ST18: variants seen among roughly 807,000 people sequenced by gnomAD.
ST18 encodes the protein suppression of tumorigenicity 18 protein.
In ST18, 50 loss-of-function variants were observed where a neutral mutation model predicts 110.0. The ratio of observed to expected loss-of-function variants is 0.45; its 90% CI spans 0.36 to 0.58. The LOEUF (loss-of-function observed/expected upper bound fraction) is 0.58, where lower values mean the gene tolerates loss of function less well. ST18 is among the 20% of genes least tolerant of loss of function. The probability of loss-of-function intolerance (pLI) is 0.00; values close to 1 mark genes in which losing one functional copy is unlikely to be tolerated. For synonymous variants in ST18, 461 were observed against 452.4 expected, an observed-to-expected ratio of 1.02 and a Z score of -0.24; for missense variants, 1,306 against 1,280.1, an observed-to-expected ratio of 1.02 and a Z score of -0.31.
intron 9 of ST18, among the ~76,000 whole-genome samples, chr8:52,179,876 C>T (rs1490570944): frequency 2.0e-5 from 3 of 152,148 alleles, no homozygotes; most frequent in South Asian, 2.1e-4. Flanking sequence ...ATAGTTCAAT[C>T]GTCTGCTTTT....
intron 2 of ST18, among the ~76,000 whole-genome samples, chr8:52,353,046 C>T (rs1821101350): frequency 6.6e-6 from 1 of 152,144 alleles, no homozygotes; most frequent in Non-Finnish European, 1.5e-5. Flanking sequence ...CTTTTCCACA[C>T]TTTTTTGCAC....
In ST18 at chr8:52,164,015, T is replaced by A. The variant is rs373590188; in HGVS notation, c.1371A>T (p.Gln457His). Residue 457 changes from glutamine to histidine, a missense_variant, in exon 13 of 26, where the codon CAA (glutamine) becomes CAT (histidine). Coordinates refer to ENST00000689386, the MANE Select transcript of ST18 (RefSeq NM_001352837.2). ...GGGCCTGGTCAGGACACTGCCCAGT[T>A]TGGGGAGAATCAAGCTGATTTTTAT... Reference protein sequence around the residue: ...SQDKNQLDSPQTGQCPDQAHR... With the variant: ...SQDKNQLDSPHTGQCPDQAHR... 3 of 1,613,946 alleles carry A rather than the reference T, an allele frequency of 1.9e-6. No individual in the cohort carries two copies. The highest frequency in any genetic ancestry group is 2.2e-5 in the East Asian group (1 of 44,884).
intron 2 of ST18, among the ~76,000 whole-genome samples, chr8:52,280,186 T>G (rs906649247): frequency 6.6e-6 from 1 of 151,978 alleles, no homozygotes; most frequent in Non-Finnish European, 1.5e-5. Flanking sequence ...ATAAAAATAT[T>G]AATCAGTTTA....
chr8:52,291,058 C>T lies in ST18; in HGVS notation c.-464-60981G>A, dbSNP rs77471739. ...GTCACTGTCTCTGTTCATCAGGGCG[C>T]CCCATTGAGTTCAGCATAGCATCCA... is the stretch of plus-strand genomic sequence containing the variant. On this transcript the variant is annotated intron_variant, in intron 2 of 25. Coordinates refer to ENST00000689386, the MANE Select transcript of ST18 (RefSeq NM_001352837.2). 4.4e-3 allele frequency among the ~76,000 whole-genome samples: 667 copies of T among 152,292 alleles called. 7 individuals are homozygous for T. Among genetic ancestry groups the T allele is most frequent in the African/African-American group, 0.015 (628 of 41,570 alleles).
At chr8:52,382,300 G>A (rs1193460461) in intron 2 of ST18, among the ~76,000 whole-genome samples, 1 of 152,200 alleles carries the variant, frequency 6.6e-6, no homozygotes, top group Non-Finnish European at 1.5e-5. Flanking sequence ...GGATGGCAGA[G>A]GGCAGCCTCC....
chr8:52,282,795 G>A (rs982030108), intron 2 of ST18, among the ~76,000 whole-genome samples: 4 of 152,152 alleles, frequency 2.6e-5, no homozygotes, highest in Non-Finnish European at 5.9e-5. Flanking sequence ...GGAACAGCAA[G>A]GGAAGAGGCC....
intron 11 of ST18, among the ~76,000 whole-genome samples, chr8:52,166,552 C>T (rs938624283): frequency 6.6e-6 from 1 of 152,214 alleles, no homozygotes; most frequent in Non-Finnish European, 1.5e-5. Context: ...CCCTCTACCC[C>T]TGAACTCCCT....
At chr8:52,192,136 C>A (rs146298654) in intron 8 of ST18, among the ~76,000 whole-genome samples, 1 of 152,156 alleles carries the variant, frequency 6.6e-6, no homozygotes, top group Non-Finnish European at 1.5e-5. Context: ...AGCATAGGCT[C>A]TCACTAAGAC....
At chr8:52,341,579 C>T (rs1815039457) in intron 2 of ST18, among the ~76,000 whole-genome samples, 1 of 152,230 alleles carries the variant, frequency 6.6e-6, no homozygotes, top group Non-Finnish European at 1.5e-5. Flanking sequence ...CCAAGGTCAT[C>T]ACAAGGGTCC....
intron 17 of ST18, among the ~76,000 whole-genome samples, chr8:52,140,465 A>C (rs1218366508): frequency 6.6e-6 from 1 of 152,050 alleles, no homozygotes; most frequent in African/African-American, 2.4e-5. Flanking sequence ...TGGAGCTTGC[A>C]GTGAGCCGAG....
chr8:52,347,855 C>A (rs139857073), intron 2 of ST18, among the ~76,000 whole-genome samples: 22 of 152,350 alleles, frequency 1.4e-4, no homozygotes, highest in Admixed American at 7.8e-4. Flanking sequence ...TCAGTGCAGA[C>A]TTCCTTCTCA....
At chr8:52,377,608 C>A (rs1336290585) in intron 2 of ST18, among the ~76,000 whole-genome samples, 2 of 152,090 alleles carry the variant, frequency 1.3e-5, no homozygotes. Context: ...ATAAAAAATG[C>A]TGGCAAGGAT....
intron 2 of ST18, among the ~76,000 whole-genome samples, chr8:52,236,791 G>A (rs2092746001): frequency 6.6e-6 from 1 of 152,090 alleles, no homozygotes. Context: ...TAGACCATTG[G>A]AACACCAGTC....
At chr8:52,119,232 A>G (rs1415070396) in intron 23 of ST18, among the ~76,000 whole-genome samples, 1 of 152,220 alleles carries the variant, frequency 6.6e-6, no homozygotes, top group African/African-American at 2.4e-5. Flanking sequence ...AACATGCCAC[A>G]GGCTCTCAGT....
intron 19 of ST18, among the ~76,000 whole-genome samples, chr8:52,136,098 C>T (rs572918354): frequency 6.6e-6 from 1 of 152,180 alleles, no homozygotes; most frequent in Non-Finnish European, 1.5e-5. Context: ...AATGAAATCA[C>T]AAAGTAAAAG....
At chr8:52,230,813 GGCGAACTTC>G (rs2136921456) in intron 2 of ST18, among the ~76,000 whole-genome samples, 1 of 16,902 alleles carries the variant, frequency 5.9e-5, no homozygotes, top group Admixed American at 7.6e-4. Context: ...CTTGGAAAGA[GGCGAACTTC>G]ACCAACTTCA....
At chr8:52,178,644 C>CAAAAAAA (rs386418682) in intron 9 of ST18, among the ~76,000 whole-genome samples, 3 of 61,616 alleles carry the variant, frequency 4.9e-5, no homozygotes, top group Non-Finnish European at 8.9e-5. Context: ...AAAAAAAAAA[C>CAAAAAAA]CACCAAAAAC....
At chr8:52,195,405 A>G (rs1039582104) in intron 8 of ST18, among the ~76,000 whole-genome samples, 1 of 152,086 alleles carries the variant, frequency 6.6e-6, no homozygotes, top group Non-Finnish European at 1.5e-5. Flanking sequence ...AATAAAATAT[A>G]TGTGACTTTA....
At chr8:52,161,029 T>C (rs2061328666) in intron 14 of ST18, among the ~76,000 whole-genome samples, 1 of 152,222 alleles carries the variant, frequency 6.6e-6, no homozygotes. Context: ...ATTACTGCAT[T>C]ACAACAGTCA....
Sources: gnomAD v4.1 joint callset for allele counts (sites outside exome capture counted in the v4.1 genomes callset) on GRCh38, gnomAD v4.1.1 for gene constraint, MANE v1.5 for transcripts, NCBI Gene and HGNC (gene_info 2026-07-23, HGNC 2026-07-21) for gene names.